Variants in HCN1 observed in about 807,000 individuals in gnomAD.
HCN1 encodes the protein potassium/sodium hyperpolarization-activated cyclic nucleotide-gated channel 1.
A neutral mutation model predicts 78.9 loss-of-function variants in HCN1; 13 were observed. The ratio of observed to expected loss-of-function variants is 0.16; its 90% CI spans 0.11 to 0.26. HCN1 has a LOEUF of 0.26. Among genes scored for constraint, HCN1 ranks in the 10% least tolerant of loss-of-function variants. The probability of loss-of-function intolerance (pLI) is 1.00; values close to 1 mark genes in which losing one functional copy is unlikely to be tolerated. For missense variants in HCN1, 810 were observed against 1,154.3 expected (o/e 0.70, Z 4.32); for synonymous variants, 552 against 455.5 (o/e 1.21, Z -2.70).
At chr5:45,458,555 G>C (rs1741071908) in intron 3 of HCN1, among the ~76,000 whole-genome samples, 1 of 152,038 alleles carries the variant, frequency 6.6e-6, no homozygotes, top group African/African-American at 2.4e-5. Context: ...TAATTTTAAT[G>C]GGATTTTCTA....
chr5:45,404,006 T>C (rs921512860), intron 3 of HCN1, among the ~76,000 whole-genome samples: 1 of 152,174 alleles, frequency 6.6e-6, no homozygotes, highest in Non-Finnish European at 1.5e-5. Flanking sequence ...GCTCTCATTT[T>C]TATAAGCCTA....
intron 2 of HCN1, among the ~76,000 whole-genome samples, chr5:45,539,418 T>A (rs1438074807): frequency 6.6e-6 from 1 of 151,124 alleles, no homozygotes; most frequent in Non-Finnish European, 1.5e-5. Flanking sequence ...ATCCCAGCAC[T>A]TTGGGAGGCC....
intron 2 of HCN1, among the ~76,000 whole-genome samples, chr5:45,562,066 C>T (rs1166668461): frequency 6.6e-6 from 1 of 152,018 alleles, no homozygotes. Flanking sequence ...GGGAAACTAC[C>T]ACATTTTTAG....
chr5:45,534,089 C>T (rs1435464566), intron 2 of HCN1, among the ~76,000 whole-genome samples: 1 of 151,928 alleles, frequency 6.6e-6, no homozygotes, highest in Non-Finnish European at 1.5e-5. Flanking sequence ...TACCTAATAT[C>T]CATATTGTGC....
At chr5:45,622,876 G>A (rs1413355186) in intron 2 of HCN1, among the ~76,000 whole-genome samples, 2 of 152,088 alleles carry the variant, frequency 1.3e-5, no homozygotes. Flanking sequence ...TAATGATACC[G>A]AAGCAGGAGT....
At chr5:45,372,062 ATAT>A (rs1270769695) in intron 4 of HCN1, among the ~76,000 whole-genome samples, 11 of 56,608 alleles carry the variant, frequency 1.9e-4, no homozygotes, top group African/African-American at 8.4e-4. Flanking sequence ...TAATATAATT[ATAT>A]TATATATTAT....
chr5:45,337,146 C>A (rs951379248), intron 5 of HCN1, among the ~76,000 whole-genome samples: 5 of 152,004 alleles, frequency 3.3e-5, no homozygotes, highest in African/African-American at 1.2e-4. Context: ...ACCATCTTTA[C>A]CCCATCCTCC....
rs552386599 is a variant in HCN1, at chr5:45,314,244, T to A, written c.1378-10405A>T. 6.6e-4 allele frequency among the ~76,000 whole-genome samples: 101 copies of A among 152,228 alleles called. No homozygotes were observed. The Middle Eastern group carries it at 0.024, about 36-fold the overall frequency. ...AAAGAAAGAATTTTCAACCCAGAAT[T>A]TCATATCCAGCCAAACTAAGCTTCA... On this transcript the variant is annotated intron_variant, in intron 5 of 7. Transcript: ENST00000303230.
intron 6 of HCN1, among the ~76,000 whole-genome samples, chr5:45,290,425 G>GCAATTCT (rs1745347572): frequency 6.6e-6 from 1 of 151,978 alleles, no homozygotes; most frequent in Non-Finnish European, 1.5e-5. Context: ...AATTGTAGGG[G>GCAATTCT]ACATAAACAT....
chr5:45,465,626 G>A (rs1045783770), intron 2 of HCN1, among the ~76,000 whole-genome samples: 5 of 151,882 alleles, frequency 3.3e-5, no homozygotes, highest in African/African-American at 7.3e-5. Context: ...GTGGCGGTGG[G>A]CACCTGTAGT....
chr5:45,411,559 G>A (rs1740024443), intron 3 of HCN1, among the ~76,000 whole-genome samples: 1 of 145,936 alleles, frequency 6.9e-6, no homozygotes, highest in Admixed American at 6.9e-5. Flanking sequence ...TCATGCTCAT[G>A]AGGATATTCT....
chr5:45,502,190 G>A (rs145853513), intron 2 of HCN1, among the ~76,000 whole-genome samples: 46 of 151,996 alleles, frequency 3.0e-4, no homozygotes, highest in Admixed American at 1.2e-3. Context: ...AAATGAAGCC[G>A]GGTGTCGTGG....
chr5:45,321,705 A>AT (rs1746129989), intron 5 of HCN1, among the ~76,000 whole-genome samples: 1 of 151,626 alleles, frequency 6.6e-6, no homozygotes, highest in Non-Finnish European at 1.5e-5. Flanking sequence ...ACACATACGT[A>AT]TTTTTATGGC....
At chr5:45,583,676 T>C (rs1001560627) in intron 2 of HCN1, among the ~76,000 whole-genome samples, 38 of 152,296 alleles carry the variant, frequency 2.5e-4, no homozygotes, top group African/African-American at 2.9e-4. Flanking sequence ...GCTATAAATT[T>C]CCCTCTACAC....
At chr5:45,306,892 T>C (rs1479356362) in intron 5 of HCN1, among the ~76,000 whole-genome samples, 2 of 152,076 alleles carry the variant, frequency 1.3e-5, no homozygotes, top group East Asian at 3.9e-4. Flanking sequence ...CTGACCTTAG[T>C]AATAAGTTGC....
chr5:45,376,989 A>C (rs1747694486), intron 4 of HCN1, among the ~76,000 whole-genome samples: 1 of 151,978 alleles, frequency 6.6e-6, no homozygotes, highest in African/African-American at 2.4e-5. Context: ...GCATATGAAG[A>C]CTTGTTGAGA....
chr5:45,304,464 T>A (rs1007581375), intron 5 of HCN1, among the ~76,000 whole-genome samples: 1 of 151,970 alleles, frequency 6.6e-6, no homozygotes, highest in African/African-American at 2.4e-5. Context: ...GATCACGAGG[T>A]CAGGAGTTCA....
chr5:45,293,619 C>T (rs1348291597), intron 6 of HCN1, among the ~76,000 whole-genome samples: 1 of 152,146 alleles, frequency 6.6e-6, no homozygotes, highest in South Asian at 2.1e-4. Context: ...CCCTCCTTCT[C>T]TTTTTCTATT....
At chr5:45,462,382 T>C (rs1366681152) in intron 2 of HCN1, among the ~76,000 whole-genome samples, 1 of 152,144 alleles carries the variant, frequency 6.6e-6, no homozygotes, top group Non-Finnish European at 1.5e-5. Context: ...GCTTCTCATC[T>C]CTTGTTATAT....
Sources: gnomAD v4.1 joint callset for allele counts (sites outside exome capture counted in the v4.1 genomes callset) on GRCh38, gnomAD v4.1.1 for gene constraint, MANE v1.5 for transcripts, NCBI Gene and HGNC (gene_info 2026-07-23, HGNC 2026-07-21) for gene names.